STIM2: variants seen among roughly 807,000 people sequenced by gnomAD.
The protein encoded by STIM2 is stromal interaction molecule 2.
Under a neutral mutation model 85.8 loss-of-function variants are expected in STIM2, and 31 were observed. The ratio of observed to expected loss-of-function variants is 0.36; its 90% CI spans 0.27 to 0.49. The LOEUF (loss-of-function observed/expected upper bound fraction) is 0.49. STIM2 is among the 20% of genes least tolerant of loss of function. STIM2 has a pLI of 0.98. For missense variants in STIM2, 841 were observed against 927.6 expected, an observed-to-expected ratio of 0.91 and a Z score of 1.21; for synonymous variants, 356 against 331.1, an observed-to-expected ratio of 1.08 and a Z score of -0.82.
At chr4:26,923,474 G>A (rs1413590850) in intron 2 of STIM2, among the ~76,000 whole-genome samples, 1 of 149,308 alleles carries the variant, frequency 6.7e-6, no homozygotes, top group African/African-American at 2.5e-5. Flanking sequence ...ACAAGCAAAT[G>A]CTGAGAGATT....
intron 3 of STIM2, among the ~76,000 whole-genome samples, chr4:26,982,166 C>G (rs1235244406): frequency 6.6e-6 from 1 of 152,152 alleles, no homozygotes; most frequent in African/African-American, 2.4e-5. Flanking sequence ...GAGAATTAAA[C>G]AGAGTGTATA....
chr4:26,942,955 G>A (rs1162720251), intron 2 of STIM2, among the ~76,000 whole-genome samples: 1 of 151,998 alleles, frequency 6.6e-6, no homozygotes, highest in Non-Finnish European at 1.5e-5. Flanking sequence ...TAAATTTAAG[G>A]TTTAAAATTG....
chr4:26,966,177 T>A (rs1386515971), intron 3 of STIM2, among the ~76,000 whole-genome samples: 2 of 152,266 alleles, frequency 1.3e-5, no homozygotes, highest in East Asian at 3.9e-4. Flanking sequence ...CTTTTCACTG[T>A]GATGGACTAT....
chr4:26,954,267 G>A (rs1186171247), intron 2 of STIM2, among the ~76,000 whole-genome samples: 1 of 152,122 alleles, frequency 6.6e-6, no homozygotes, highest in Non-Finnish European at 1.5e-5. Flanking sequence ...GGTACTAGAA[G>A]AGTTTATTTA....
rs554469841 is a variant in STIM2 at position 26,976,211 on chromosome 4, G to A, written c.397+18485G>A. Among the ~76,000 whole-genome samples the A allele has an allele frequency of 1.1e-4, 16 of 152,190 alleles. 1 individual carries two copies. In the South Asian group the frequency reaches 3.1e-3, roughly 30 times the overall value. On this transcript the variant is annotated intron_variant, in intron 3 of 11. Coordinates refer to ENST00000467087, the MANE Select transcript of STIM2 (RefSeq NM_020860.4). ...CGACCCCTTGCACTTCTCGGGTGAT[G>A]CGATGCCCTGCCCTGCTTCAGCTCG...
chr4:26,985,249 GTTA>G (rs1727542007), intron 3 of STIM2, among the ~76,000 whole-genome samples: 1 of 152,202 alleles, frequency 6.6e-6, no homozygotes, highest in African/African-American at 2.4e-5. Flanking sequence ...GATTTGAAAA[GTTA>G]TTATTTTCTT....
Position 27,002,210 on chromosome 4 carries a change from T to C in STIM2, c.626-7T>C, listed in dbSNP as rs768218234. On this transcript the variant is annotated splice_polypyrimidine_tract_variant and splice_region_variant and intron_variant, in intron 5 of 11. Transcript: ENST00000467087. ...ATTAATTTAATCATCTGTAATTCTT[T>C]TAATAGGCCCACCTCATAACTGGAT... The C allele has an allele frequency of 3.8e-6, 6 of 1,581,880 alleles. No homozygotes were observed. Among genetic ancestry groups the C allele is most frequent in the Non-Finnish European group, 3.4e-6 (4 of 1,169,776 alleles).
chr4:26,977,771 T>C (rs1027111197), intron 3 of STIM2, among the ~76,000 whole-genome samples: 1 of 151,824 alleles, frequency 6.6e-6, no homozygotes, highest in Non-Finnish European at 1.5e-5. Context: ...TTGTTAATAA[T>C]GGGGGAAAAC....
At chr4:26,974,643 C>T (rs560631611) in intron 3 of STIM2, among the ~76,000 whole-genome samples, 7 of 152,214 alleles carry the variant, frequency 4.6e-5, no homozygotes, top group Middle Eastern at 3.4e-3. Flanking sequence ...GTGGGTAACC[C>T]GACCTTTCTC....
At chr4:27,017,012 G>T (rs917227513) in intron 10 of STIM2, among the ~76,000 whole-genome samples, 1 of 152,200 alleles carries the variant, frequency 6.6e-6, no homozygotes, top group Non-Finnish European at 1.5e-5. Flanking sequence ...AACAGCTTCA[G>T]CTTGAGAAGG....
chr4:27,022,613 T>A lies in STIM2; in HGVS notation c.1858T>A (p.Leu620Ile). 1 of 1,614,128 alleles carries A rather than the reference T, an allele frequency of 6.2e-7. No homozygotes were observed. The highest frequency in any genetic ancestry group is 8.5e-7 in the Non-Finnish European group (1 of 1,179,948). Residue 620 changes from leucine to isoleucine, a missense_variant, in exon 12 of 12, where the codon TTA becomes ATA. Coordinates refer to ENST00000467087, the MANE Select transcript of STIM2 (RefSeq NM_020860.4). ...TTTAAGCCTCGAGATATACCAAACA[T>A]TATCTCCGCGAAAGATATCAAGAGA... is the stretch of plus-strand genomic sequence containing the variant.
intron 3 of STIM2, among the ~76,000 whole-genome samples, chr4:26,969,980 A>G (rs989146236): frequency 6.8e-6 from 1 of 147,496 alleles, no homozygotes; most frequent in Admixed American, 6.9e-5. Flanking sequence ...GTTTCATTTT[A>G]AAATTTGAGC....
chr4:26,993,097 T>G (rs1273730619), intron 3 of STIM2, among the ~76,000 whole-genome samples: 2 of 152,152 alleles, frequency 1.3e-5, no homozygotes, highest in African/African-American at 2.4e-5. Context: ...CTTGTTTTCT[T>G]GGCTGGGGAT....
In STIM2 at chr4:27,008,959, T is replaced by A; in HGVS notation, c.1446T>A (p.Asp482Glu). The A allele has an allele frequency of 6.2e-7, 1 of 1,614,120 alleles. No individual in the cohort carries two copies. The highest frequency in any genetic ancestry group is 8.5e-7 in the Non-Finnish European group (1 of 1,180,006). Residue 482 changes from aspartate (D) to glutamate (E), a missense_variant, in exon 10 of 12, where the codon GAT becomes GAA. Physicochemically the swap from Asp to Glu is conservative, Grantham distance 45 (BLOSUM62 2). Around this residue, in one of 3 missense-constraint regions of STIM2, gnomAD observed 408 missense variants for 525.4 expected, o/e 0.78. Transcript: ENST00000467087. ...CCTATCCAATTGCTGGAGGAGTTGA[T>A]GACTTAGATGAAGACACACCCCCAA...
chr4:26,949,378 A>G (rs901991410), intron 2 of STIM2, among the ~76,000 whole-genome samples: 13 of 152,172 alleles, frequency 8.5e-5, no homozygotes, highest in African/African-American at 2.2e-4. Flanking sequence ...ACAGTCCTCT[A>G]TGTATTTTAA....
intron 1 of STIM2, among the ~76,000 whole-genome samples, chr4:26,878,713 A>G (rs1401379641): frequency 2.6e-5 from 4 of 152,174 alleles, no homozygotes; most frequent in Non-Finnish European, 5.9e-5. Flanking sequence ...TAATTTATGA[A>G]CAAAAGGGGT....
intron 1 of STIM2, among the ~76,000 whole-genome samples, chr4:26,870,068 A>G (rs1175861544): frequency 1.3e-5 from 2 of 152,154 alleles, no homozygotes; most frequent in Non-Finnish European, 2.9e-5. Flanking sequence ...AGAAAGACAA[A>G]TACTGCATGG....
intron 1 of STIM2, among the ~76,000 whole-genome samples, chr4:26,874,854 T>G (rs1722760340): frequency 6.6e-6 from 1 of 152,192 alleles, no homozygotes; most frequent in African/African-American, 2.4e-5. Context: ...ACCGGAGAAG[T>G]AGGAGAAAAC....
chr4:26,885,526 A>G (rs935857683), intron 1 of STIM2, among the ~76,000 whole-genome samples: 2 of 152,034 alleles, frequency 1.3e-5, no homozygotes, highest in Admixed American at 6.6e-5. Flanking sequence ...GGTATCTGCT[A>G]AGACTGGAAA....
Sources: gnomAD v4.1 joint callset for allele counts (sites outside exome capture counted in the v4.1 genomes callset) on GRCh38, gnomAD v4.1.1 for gene constraint, gnomAD v4.1.1 regional missense constraint, MANE v1.5 for transcripts, NCBI Gene and HGNC (gene_info 2026-07-23, HGNC 2026-07-21) for gene names.